SCN11A: variants seen among roughly 807,000 people sequenced by gnomAD.
The protein encoded by SCN11A is sodium channel protein type 11 subunit alpha.
SCN11A carries 122 observed loss-of-function variants against 162.2 expected under a neutral mutation model. The observed-to-expected ratio is 0.75, with a 90% confidence interval of 0.65 to 0.87. The LOEUF (loss-of-function observed/expected upper bound fraction) is 0.87, where lower values mean the gene tolerates loss of function less well. SCN11A is among the 40% of genes least tolerant of loss of function. The pLI, the probability that SCN11A is intolerant of heterozygous loss-of-function variation, is 0.00. For synonymous variants in SCN11A, 758 were observed against 751.5 expected, an observed-to-expected ratio of 1.01 and a Z score of -0.14; for missense variants, 2,015 against 2,181.6, an observed-to-expected ratio of 0.92 and a Z score of 1.52.
chr3:38,897,100 T>A lies in SCN11A; in HGVS notation c.2148A>T (p.Ser716=). ...VVLVIVIFIF[S]VVGMQLFGRS... Reference sequence around the variant, plus strand: ...GGCCAAAAAGCTGCATGCCAACTACTGAGAAAATAAAGATCACAATGACCA... The same window carrying A: ...GGCCAAAAAGCTGCATGCCAACTACAGAGAAAATAAAGATCACAATGACCA... The change falls in exon 18 of 30, where the codon TCA becomes TCT. Residue 716 remains serine (S), a synonymous_variant. Transcript: ENST00000302328. The A allele has an allele frequency of 6.2e-7, 1 of 1,614,044 alleles. No homozygotes were observed. The highest frequency in any genetic ancestry group is 8.5e-7 in the Non-Finnish European group (1 of 1,179,996).
At chr3:38,931,300 C>T (rs1167296731) in intron 7 of SCN11A, among the ~76,000 whole-genome samples, 2 of 152,192 alleles carry the variant, frequency 1.3e-5, no homozygotes, top group South Asian at 2.1e-4. Flanking sequence ...ACAGTCCCTA[C>T]AAAGACACCA....
intron 29 of SCN11A, 129 bp downstream of exon 29, chr3:38,850,352 A>C: frequency 1.2e-6 from 1 of 807,072 alleles, no homozygotes; most frequent in Non-Finnish European, 2.0e-6. Context: ...ACCCCTGTCT[A>C]TTCTTTCAGA....
chr3:38,893,553 T>C lies in SCN11A; in HGVS notation c.2835+980A>G, dbSNP rs554978633. Among the ~76,000 whole-genome samples, 88 of 152,284 alleles carry C rather than the reference T, an allele frequency of 5.8e-4. No homozygotes were observed. The South Asian group carries it at 0.018, about 30-fold the overall frequency. ...CATCTATAGAACACTTAATTCCAAA[T>C]GGCAGAATACACATTCTTGTCAGGT... On this transcript the variant is annotated intron_variant, in intron 19 of 29. Coordinates refer to ENST00000302328, the MANE Select transcript of SCN11A (RefSeq NM_001349253.2).
intron 2 of SCN11A, among the ~76,000 whole-genome samples, chr3:39,001,266 G>T (rs1400507253): frequency 6.6e-6 from 1 of 152,006 alleles, no homozygotes; most frequent in Non-Finnish European, 1.5e-5. Flanking sequence ...CTCCATATCC[G>T]TTACAAAGCT....
chr3:39,012,432 TTCTTTCTCTCTC>T (rs2031168727), intron 2 of SCN11A, among the ~76,000 whole-genome samples: 3 of 151,430 alleles, frequency 2.0e-5, no homozygotes, highest in Admixed American at 6.6e-5. Context: ...CTTTCTTTCT[TTCTTTCTCTCTC>T]TCTTTCTCTC....
Position 38,871,427 on chromosome 3 carries a change from C to T in SCN11A, c.3759+18G>A. The T allele has an allele frequency of 6.4e-7, 1 of 1,562,990 alleles. No individual in the cohort carries two copies. The highest frequency in any genetic ancestry group is 8.6e-7 in the Non-Finnish European group (1 of 1,159,882). ...AGGTTTTTCTCCTCAGAGTGAAAAA[C>T]ATACTGACTGTACTTACCACTTGCA... On this transcript the variant is annotated intron_variant, in intron 25 of 29. Transcript: ENST00000302328.
chr3:38,903,804 T>C (rs1288518669), intron 16 of SCN11A, 61 bp downstream of exon 16: 2 of 1,303,432 alleles, frequency 1.5e-6, no homozygotes, highest in East Asian at 5.2e-5. Flanking sequence ...GTTTAGACTT[T>C]GAAAAAGTTA....
At chr3:38,958,032 G>A (rs1335010460) in intron 3 of SCN11A, among the ~76,000 whole-genome samples, 1 of 152,224 alleles carries the variant, frequency 6.6e-6, no homozygotes, top group Non-Finnish European at 1.5e-5. Context: ...GCAACGTAGT[G>A]TGAAAGCACT....
chr3:38,962,135 A>G (rs1489589486), intron 2 of SCN11A, among the ~76,000 whole-genome samples: 1 of 152,062 alleles, frequency 6.6e-6, no homozygotes, highest in Non-Finnish European at 1.5e-5. Flanking sequence ...TCCTTTCCCC[A>G]CTTTATGTTT....
At chr3:39,033,932 A>T (rs1575367336) in intron 1 of SCN11A, among the ~76,000 whole-genome samples, 1 of 152,218 alleles carries the variant, frequency 6.6e-6, no homozygotes, top group East Asian at 1.9e-4. Flanking sequence ...TGGGAGGCCA[A>T]GGTGGGCAGA....
intron 22 of SCN11A, among the ~76,000 whole-genome samples, chr3:38,880,768 T>C (rs2126104487): frequency 6.6e-6 from 1 of 152,330 alleles, no homozygotes; most frequent in African/African-American, 2.4e-5. Flanking sequence ...TTTGTAATTA[T>C]GAAAAAGAGA....
intron 6 of SCN11A, among the ~76,000 whole-genome samples, chr3:38,946,141 C>G (rs2066512967): frequency 6.6e-6 from 1 of 152,188 alleles, no homozygotes. Flanking sequence ...ATTGCAAACC[C>G]TAAGTTTTAA....
intron 29 of SCN11A, among the ~76,000 whole-genome samples, chr3:38,849,072 A>T (rs963377318): frequency 6.6e-6 from 1 of 152,200 alleles, no homozygotes; most frequent in Non-Finnish European, 1.5e-5. Flanking sequence ...TACAGCATGT[A>T]TAACTGCAAT....
intron 28 of SCN11A, among the ~76,000 whole-genome samples, chr3:38,851,334 A>C (rs2064775127): frequency 6.6e-6 from 1 of 152,214 alleles, no homozygotes; most frequent in Admixed American, 6.5e-5. Context: ...AGATGAGATT[A>C]TAATCCAATA....
At chr3:38,955,023 C>T (rs1211706429) in intron 3 of SCN11A, among the ~76,000 whole-genome samples, 1 of 151,754 alleles carries the variant, frequency 6.6e-6, no homozygotes, top group Non-Finnish European at 1.5e-5. Flanking sequence ...ACATTGAGGC[C>T]AGGTGCAGTG....
rs1014948431 is a variant in SCN11A, at chr3:39,033,721, G to A, written c.-403-1218C>T. Among the ~76,000 whole-genome samples, 67 of 152,150 alleles carry A rather than the reference G, an allele frequency of 4.4e-4. 1 individual carries two copies. The highest frequency in any genetic ancestry group is 1.6e-3 in the African/African-American group (65 of 41,498). ...AGTACAGCTGGCCCTCAATATCCAT[G>A]GGTTCCACATCTGTGGATTCAAGCA... On this transcript the variant is annotated intron_variant, in intron 1 of 29. Transcript: ENST00000302328.
chr3:38,946,531 G>A (rs1194747561), intron 6 of SCN11A, among the ~76,000 whole-genome samples: 2 of 152,102 alleles, frequency 1.3e-5, no homozygotes, highest in Admixed American at 1.3e-4. Flanking sequence ...GCCTCTCCCT[G>A]CTACCACTTT....
At position 38,856,087 on chromosome 3, in the gene SCN11A, C is replaced by G. The variant is rs2064864335; in HGVS notation, c.4057-5336G>C. ...AGCAGGTCTTGAGTTCCAGATCTTT[C>G]TGCTGGTGGGTAGTTTCTCACAGCA... On this transcript the variant is annotated intron_variant, in intron 28 of 29. Coordinates refer to ENST00000302328, the MANE Select transcript of SCN11A (RefSeq NM_001349253.2). 2.6e-5 allele frequency among the ~76,000 whole-genome samples: 4 copies of G among 152,214 alleles called. No individual in the cohort carries two copies. The South Asian group carries it at 8.3e-4, about 31-fold the overall frequency.
At chr3:38,899,497 C>CA (rs2065660424) in intron 17 of SCN11A, among the ~76,000 whole-genome samples, 17 of 152,252 alleles carry the variant, frequency 1.1e-4, no homozygotes, top group African/African-American at 4.1e-4. Context: ...ATAGTCTTTG[C>CA]CCCCCTTGGC....
Sources: allele counts gnomAD v4.1 joint callset (sites outside exome capture counted in the v4.1 genomes callset), GRCh38; gene constraint gnomAD v4.1.1; transcripts MANE v1.5; gene names NCBI Gene and HGNC (gene_info 2026-07-23, HGNC 2026-07-21).